The following URB2 variants were observed in gnomAD, a reference collection of about 807,000 sequenced individuals.
URB2 encodes URB2 ribosome biogenesis homolog.
A neutral mutation model predicts 120.9 loss-of-function variants in URB2; 86 were observed. The ratio of observed to expected loss-of-function variants is 0.71; its 90% confidence interval spans 0.60 to 0.85. URB2 has a LOEUF of 0.85. Among genes scored for constraint, URB2 ranks in the 40% least tolerant of loss-of-function variants. The probability of loss-of-function intolerance (pLI) is 0.00; values close to 1 mark genes in which losing one functional copy is unlikely to be tolerated. For synonymous variants in URB2, 755 were observed against 758.4 expected (o/e 1.00, Z 0.07); for missense variants, 1,765 against 1,836.5 (o/e 0.96, Z 0.71).
intron 3 of URB2, 23 bp downstream of exon 3, chr1:229,632,468 A>G: frequency 6.6e-7 from 1 of 1,509,812 alleles, no homozygotes; most frequent in Non-Finnish European, 8.8e-7. Flanking sequence ...TCTGTTCTGT[A>G]TGTGTTGCAT....
At position 229,632,275 on chromosome 1, in the gene URB2, C is replaced by A. The variant is rs750817049; in HGVS notation, c.133C>A (p.Leu45Ile). The change falls in exon 3 of 10, where the codon CTT becomes ATT. Residue 45 changes from leucine (L) to isoleucine (I), a missense_variant. By Grantham distance (5) the Leu-to-Ile change is conservative. Coordinates refer to ENST00000258243, the MANE Select transcript of URB2 (RefSeq NM_014777.4). ...CFLPNKEQVL[L>I]DWARQSLVAF... ...ATGTGTCCTTCAAATTCAGGTGTTA[C>A]TTGATTGGGCAAGACAATCATTGGT... The A allele has an allele frequency of 6.5e-7, 1 of 1,546,716 alleles. No individual in the cohort carries two copies.
Position 229,636,452 on chromosome 1 carries a change from G to C in URB2, c.1839G>C (p.Trp613Cys). The C allele has an allele frequency of 6.2e-7, 1 of 1,614,208 alleles. No homozygotes were observed. The highest frequency in any genetic ancestry group is 8.5e-7 in the Non-Finnish European group (1 of 1,180,038). ...SDSVLLLSYT[W>C]AQVDAMFSLN... is the part of the protein sequence containing the mutation. ...CTGTGCTCCTGCTCTCTTACACTTG[G>C]GCCCAGGTGGACGCTATGTTCAGTT... Residue 613 changes from tryptophan to cysteine, a missense_variant, in exon 4 of 10, where the codon TGG (tryptophan) becomes TGC (cysteine). By Grantham distance (215) the Trp-to-Cys change is radical (BLOSUM62 -2). Coordinates refer to ENST00000258243, the MANE Select transcript of URB2 (RefSeq NM_014777.4).
chr1:229,639,352 T>G (rs1665944513), intron 4 of URB2, among the ~76,000 whole-genome samples: 1 of 151,096 alleles, frequency 6.6e-6, no homozygotes, highest in African/African-American at 2.4e-5. Flanking sequence ...TTTTTTTTTT[T>G]GAGATGGAGT....
chr1:229,653,101 A>G (rs1666320121), intron 8 of URB2, among the ~76,000 whole-genome samples: 1 of 152,242 alleles, frequency 6.6e-6, no homozygotes, highest in Non-Finnish European at 1.5e-5. Flanking sequence ...GTCTGAAAAG[A>G]GAAGAAACAG....
chr1:229,645,785 T>C (rs881694), intron 5 of URB2, 74 bp from the exon 6 acceptor site: 4 of 1,285,838 alleles, frequency 3.1e-6, no homozygotes, highest in Admixed American at 3.4e-5. Flanking sequence ...CAGAGAGCAG[T>C]CTTCTTCCCC....
chr1:229,644,670 G>T (rs548193750), intron 5 of URB2, among the ~76,000 whole-genome samples: 1 of 152,276 alleles, frequency 6.6e-6, no homozygotes, highest in South Asian at 2.1e-4. Flanking sequence ...ATGGGGCTTT[G>T]GGGTGTGCCT....
intron 8 of URB2, among the ~76,000 whole-genome samples, chr1:229,653,229 A>G (rs553703650): frequency 6.6e-6 from 1 of 152,354 alleles, no homozygotes; most frequent in African/African-American, 2.4e-5. Context: ...TTACATCTAT[A>G]AAAGATGTCT....
At chr1:229,633,107 TGA>T (rs1472914662) in intron 3 of URB2, among the ~76,000 whole-genome samples, 1 of 152,248 alleles carries the variant, frequency 6.6e-6, no homozygotes, top group Non-Finnish European at 1.5e-5. Context: ...TCACTCTGCC[TGA>T]GTGTAAATCC....
rs770535693 is a variant in URB2, at chr1:229,636,100, C to T, written c.1487C>T (p.Thr496Met). The change falls in exon 4 of 10, where the codon ACG (threonine) becomes ATG (methionine). Residue 496 changes from threonine (T) to methionine (M), a missense_variant. Coordinates refer to ENST00000258243, the MANE Select transcript of URB2 (RefSeq NM_014777.4). ...RQPVLASGPS[T>M]VLSACLLELP... ...CCTGTGCTGGCCTCGGGCCCCTCCACGGTACTCTCTGCATGCCTCCTGGAG... is the reference window on the plus strand; with the variant it reads ...CCTGTGCTGGCCTCGGGCCCCTCCATGGTACTCTCTGCATGCCTCCTGGAG... 6.2e-6 allele frequency: 10 copies of T among 1,614,146 alleles called. No homozygotes were observed. The highest frequency in any genetic ancestry group is 4.0e-5 in the African/African-American group (3 of 74,954).
intron 7 of URB2, 39 bp downstream of exon 7, chr1:229,647,791 T>C: frequency 6.3e-7 from 1 of 1,599,990 alleles, no homozygotes; most frequent in Non-Finnish European, 8.5e-7. Flanking sequence ...GCTTTTCCTC[T>C]GCGAGCAGGG....
intron 9 of URB2, among the ~76,000 whole-genome samples, chr1:229,655,618 A>G (rs1350289094): frequency 6.6e-6 from 1 of 152,240 alleles, no homozygotes; most frequent in Non-Finnish European, 1.5e-5. Flanking sequence ...TAAGTTCACT[A>G]CAGAACTTTG....
intron 9 of URB2, 135 bp from the exon 10 acceptor site, chr1:229,658,965 T>G: frequency 1.3e-6 from 1 of 782,202 alleles, no homozygotes; most frequent in South Asian, 2.0e-5. Flanking sequence ...ATTTTAAAAG[T>G]GAATGTCGAT....
In URB2 at chr1:229,643,747, A is replaced by G; in HGVS notation, c.3795+54A>G. The stretch of plus-strand genomic sequence containing the variant: ...AGGCTCAGAAACCACGTCGGCTCAA[A>G]TGGGAAAACTGATTTGAGATGTGGT... On this transcript the variant is annotated intron_variant, in intron 5 of 9. Coordinates refer to ENST00000258243, the MANE Select transcript of URB2 (RefSeq NM_014777.4). 6 of 1,580,396 alleles carry G rather than the reference A, an allele frequency of 3.8e-6. 1 individual carries two copies. Among genetic ancestry groups the G allele is most frequent in the Middle Eastern group, 2.2e-4 (1 of 4,600 alleles).
Position 229,637,631 on chromosome 1 carries a change from G to A in URB2, c.3018G>A (p.Glu1006=). The change falls in exon 4 of 10, where the codon GAG becomes GAA. Residue 1006 remains glutamate (E), a synonymous_variant. Coordinates refer to ENST00000258243, the MANE Select transcript of URB2 (RefSeq NM_014777.4). ...EFLQVIGTFL[E]ELMQMLIQMK... The stretch of plus-strand genomic sequence containing the variant: ...TCCAAGTGATAGGGACGTTCTTAGA[G>A]GAGCTAATGCAGATGCTCATCCAAA... 6.2e-7 allele frequency: 1 copy of A among 1,614,224 alleles called. No homozygotes were observed. The highest frequency in any genetic ancestry group is 8.5e-7 in the Non-Finnish European group (1 of 1,180,038).
chr1:229,640,643 G>T (rs762553633), intron 4 of URB2, among the ~76,000 whole-genome samples: 1 of 152,152 alleles, frequency 6.6e-6, no homozygotes, highest in Non-Finnish European at 1.5e-5. Context: ...GGGTTAAATG[G>T]GTTCTCGCAG....
rs775458375 is a variant in URB2, at chr1:229,627,706, C to G, written c.73C>G (p.Leu25Val). ...KTTSWEDKLK[L>V]AHFAWISHQC... is the part of the protein sequence containing the mutation. The stretch of plus-strand genomic sequence containing the variant: ...AACTTCCTGGGAAGATAAACTAAAA[C>G]TAGCTCACTTTGCTTGGATTTCTCA... Residue 25 changes from leucine (L) to valine (V), a missense_variant, in exon 2 of 10, where the codon CTA becomes GTA. By Grantham distance (32) the Leu-to-Val change is conservative. Transcript: ENST00000258243. 1.9e-6 allele frequency: 3 copies of G among 1,613,128 alleles called. No individual in the cohort carries two copies. The highest frequency in any genetic ancestry group is 2.5e-6 in the Non-Finnish European group (3 of 1,179,518).
rs776626236 is a variant in URB2 at position 229,659,177 on chromosome 1, C to T, written c.4455C>T (p.Asp1485=). ...YLILDLCIEP[D]VQFLRASLQP... ...TCCTGGACCTCTGCATCGAGCCTGA[C>T]GTCCAGTTCCTGCGGGCCTCGCTGC... is the stretch of plus-strand genomic sequence containing the variant. Residue 1485 remains aspartate, a synonymous_variant, in exon 10 of 10, where the codon GAC becomes GAT. Transcript: ENST00000258243. 66 of 1,613,450 alleles carry T rather than the reference C, an allele frequency of 4.1e-5. No individual in the cohort carries two copies. The East Asian group carries it at 7.6e-4, about 19-fold the overall frequency.
In URB2 at chr1:229,635,130, A is replaced by G; in HGVS notation, c.517A>G (p.Ile173Val). 3 of 1,614,122 alleles carry G rather than the reference A, an allele frequency of 1.9e-6. No homozygotes were observed. Among genetic ancestry groups the G allele is most frequent in the Non-Finnish European group, 2.5e-6 (3 of 1,180,014 alleles). Reference sequence around the variant, plus strand: ...TGTGGTAGCCCAGTTGTTTGAGGTCATTCACCTGGCCCTTGGCCATTATCT... The same window carrying G: ...TGTGGTAGCCCAGTTGTTTGAGGTCGTTCACCTGGCCCTTGGCCATTATCT... ...GAVVAQLFEV[I>V]HLALGHYLLI... Residue 173 changes from isoleucine to valine, a missense_variant, in exon 4 of 10, where the codon ATT becomes GTT. By Grantham distance (29) the Ile-to-Val change is conservative. Transcript: ENST00000258243.
At chr1:229,634,314 T>G (rs1665738860) in intron 3 of URB2, among the ~76,000 whole-genome samples, 1 of 152,016 alleles carries the variant, frequency 6.6e-6, no homozygotes, top group Non-Finnish European at 1.5e-5. Flanking sequence ...CAAGCAGTTC[T>G]CCTGCCTCAG....
Sources: gnomAD v4.1 joint callset for allele counts (sites outside exome capture counted in the v4.1 genomes callset) on GRCh38, gnomAD v4.1.1 for gene constraint, MANE v1.5 for transcripts, NCBI Gene and HGNC (gene_info 2026-07-23, HGNC 2026-07-21) for gene names.